PEX14: variants seen among roughly 807,000 people sequenced by gnomAD.
PEX14 encodes the protein peroxisomal biogenesis factor 14, also known as peroxisomal membrane protein PEX14.
A neutral mutation model predicts 49.5 loss-of-function variants in PEX14; 15 were observed. The observed-to-expected ratio is 0.30, with a 90% CI of 0.20 to 0.47. The LOEUF (loss-of-function observed/expected upper bound fraction) is 0.47, where lower values mean the gene tolerates loss of function less well. Among genes scored for constraint, PEX14 ranks in the 20% least tolerant of loss-of-function variants. The pLI is 1.00. For synonymous variants in PEX14, 210 were observed against 212.7 expected (o/e 0.99, Z 0.11); for missense variants, 398 against 494.8 (o/e 0.80, Z 1.86).
intron 3 of PEX14, among the ~76,000 whole-genome samples, chr1:10,594,778 C>G (rs1640788785): frequency 6.6e-6 from 1 of 151,794 alleles, no homozygotes. Context: ...TTCCGGGTCC[C>G]TGGTTTGGTC....
At chr1:10,557,314 A>C (rs1412632526) in intron 3 of PEX14, among the ~76,000 whole-genome samples, 1 of 152,294 alleles carries the variant, frequency 6.6e-6, no homozygotes, top group East Asian at 1.9e-4. Flanking sequence ...GGCTGGGTGC[A>C]ATGGCTCACG....
intron 7 of PEX14, 151 bp from the exon 8 acceptor site, chr1:10,627,121 G>A (rs1641770505): frequency 1.4e-6 from 1 of 713,552 alleles, no homozygotes; most frequent in African/African-American, 1.8e-5. Context: ...AGACGTGGCA[G>A]GCAGTGGGCA....
chr1:10,610,938 C>T (rs1641262930), intron 4 of PEX14, among the ~76,000 whole-genome samples: 2 of 152,070 alleles, frequency 1.3e-5, no homozygotes, highest in African/African-American at 4.8e-5. Context: ...TTTCCCATGA[C>T]CACAATTCTT....
At chr1:10,580,873 G>T (rs187820789) in intron 3 of PEX14, among the ~76,000 whole-genome samples, 1 of 151,878 alleles carries the variant, frequency 6.6e-6, no homozygotes, top group African/African-American at 2.4e-5. Flanking sequence ...TATAAAAGTA[G>T]TACCTTATTT....
At chr1:10,592,903 G>A (rs897603659) in intron 3 of PEX14, among the ~76,000 whole-genome samples, 1 of 152,088 alleles carries the variant, frequency 6.6e-6, no homozygotes, top group Non-Finnish European at 1.5e-5. Flanking sequence ...GGTTTCCACC[G>A]CTGGCCCTTT....
Position 10,613,641 on chromosome 1 carries a change from G to A in PEX14, c.299-4691G>A, listed in dbSNP as rs950504051. On this transcript the variant is annotated intron_variant, in intron 4 of 8. Transcript: ENST00000356607. This position sits in a 1 kb window ranked among gnomAD's most constrained non-coding sequence, Gnocchi z 5.0. Reference sequence around the variant, plus strand: ...ACCCCTGCCACGCAGCTAGGGCGCCGGTCCTTAGACAGCTGGGCTCTGAGT... The same window carrying A: ...ACCCCTGCCACGCAGCTAGGGCGCCAGTCCTTAGACAGCTGGGCTCTGAGT... Among the ~76,000 whole-genome samples the A allele has an allele frequency of 1.2e-4, 19 of 152,164 alleles. No homozygotes were observed. The highest frequency in any genetic ancestry group is 4.6e-4 in the African/African-American group (19 of 41,440).
chr1:10,583,470 C>T (rs1264911676), intron 3 of PEX14, among the ~76,000 whole-genome samples: 2 of 151,176 alleles, frequency 1.3e-5, no homozygotes, highest in African/African-American at 4.9e-5. Flanking sequence ...GATCCTCCTG[C>T]CTCAGCCTCC....
At chr1:10,541,395 C>T (rs1002088189) in intron 3 of PEX14, among the ~76,000 whole-genome samples, 2 of 152,212 alleles carry the variant, frequency 1.3e-5, no homozygotes, top group African/African-American at 4.8e-5. Context: ...GCAGTGAGTC[C>T]CGGAGAGGCC....
At chr1:10,619,567 G>A (rs922574106) in intron 5 of PEX14, among the ~76,000 whole-genome samples, 4 of 151,798 alleles carry the variant, frequency 2.6e-5, no homozygotes, top group Non-Finnish European at 5.9e-5. Context: ...CGCCCACCTC[G>A]GCCTCCCAAA....
At chr1:10,507,231 T>G (rs997044122) in intron 2 of PEX14, among the ~76,000 whole-genome samples, 1 of 152,254 alleles carries the variant, frequency 6.6e-6, no homozygotes, top group Non-Finnish European at 1.5e-5. Flanking sequence ...TGAAAGCTGG[T>G]GTCCATGCTG....
chr1:10,502,229 G>A (rs1457477738), intron 2 of PEX14, among the ~76,000 whole-genome samples: 1 of 152,122 alleles, frequency 6.6e-6, no homozygotes, highest in East Asian at 1.9e-4. Flanking sequence ...TAACACTAGT[G>A]TCCGTGTATA....
intron 1 of PEX14, among the ~76,000 whole-genome samples, chr1:10,485,533 G>T (rs587916): frequency 1.3e-5 from 2 of 150,752 alleles, no homozygotes; most frequent in African/African-American, 2.5e-5. Flanking sequence ...TGCGCAGGCT[G>T]GTCTTGAACT....
At chr1:10,618,158 G>A (rs930186398) in intron 4 of PEX14, among the ~76,000 whole-genome samples, 174 bp from the exon 5 acceptor site, 1 of 152,226 alleles carries the variant, frequency 6.6e-6, no homozygotes, top group African/African-American at 2.4e-5. Context: ...GGGAACAGGA[G>A]GGGTGGAGCC....
chr1:10,544,318 G>A (rs1025210006), intron 3 of PEX14, among the ~76,000 whole-genome samples: 1 of 152,214 alleles, frequency 6.6e-6, no homozygotes, highest in African/African-American at 2.4e-5. Flanking sequence ...GAAAGGCTAA[G>A]TTGAGCTAAT....
chr1:10,616,004 G>A (rs755959463), intron 4 of PEX14, among the ~76,000 whole-genome samples: 6 of 152,190 alleles, frequency 3.9e-5, no homozygotes, highest in Non-Finnish European at 8.8e-5. Context: ...GGGAGTTGGG[G>A]ACTGAGGGAG....
intron 3 of PEX14, among the ~76,000 whole-genome samples, chr1:10,585,890 C>T (rs535996802): frequency 6.6e-6 from 1 of 152,172 alleles, no homozygotes; most frequent in East Asian, 1.9e-4. Flanking sequence ...AGCGAGACTC[C>T]GTCTCAAAAC....
In PEX14 at chr1:10,529,294, G is replaced by T. The variant is rs910163536; in HGVS notation, c.85-6919G>T. Among the ~76,000 whole-genome samples, 11 of 152,302 alleles carry T rather than the reference G, an allele frequency of 7.2e-5. No individual in the cohort carries two copies. Among genetic ancestry groups the T allele is most frequent in the Non-Finnish European group, 7.4e-5 (5 of 68,026 alleles). On this transcript the variant is annotated intron_variant, in intron 2 of 8. Transcript: ENST00000356607. This position sits in a 1 kb window ranked among gnomAD's most constrained non-coding sequence, Gnocchi z 4.2. ...TTCTGTGGCGTGGTGACCGTCACCC[G>T]CTGCATCAGCAGCTCTGCTTTTCAA... is the stretch of plus-strand genomic sequence containing the variant.
chr1:10,498,795 T>A (rs1313537907), intron 2 of PEX14, among the ~76,000 whole-genome samples: 2 of 152,232 alleles, frequency 1.3e-5, no homozygotes, highest in African/African-American at 4.8e-5. Context: ...AAAGTTAAAA[T>A]GGCTGGTTAC....
At chr1:10,591,914 T>C (rs1172638748) in intron 3 of PEX14, among the ~76,000 whole-genome samples, 2 of 152,140 alleles carry the variant, frequency 1.3e-5, no homozygotes, top group African/African-American at 4.8e-5. Context: ...TGTGGGCAAG[T>C]CCATGCCCCT....
Sources: gnomAD v4.1 joint callset for allele counts (sites outside exome capture counted in the v4.1 genomes callset) on GRCh38, gnomAD v4.1.1 for gene constraint, Gnocchi (gnomAD v3.1) non-coding constraint, MANE v1.5 for transcripts, NCBI Gene and HGNC (gene_info 2026-07-23, HGNC 2026-07-21) for gene names.